The following OXR1 variants were observed in gnomAD, a reference collection of about 807,000 sequenced individuals.
The protein encoded by OXR1 is oxidation resistance 1.
In OXR1, 41 loss-of-function variants were observed where a neutral mutation model predicts 104.6. The ratio of observed to expected loss-of-function variants is 0.39; its 90% CI spans 0.31 to 0.51. The LOEUF (loss-of-function observed/expected upper bound fraction) is 0.51, where lower values mean the gene tolerates loss of function less well. Ranked by LOEUF, OXR1 falls within the 20% of genes least tolerant of loss-of-function variation. The pLI is 0.77. For missense variants in OXR1, 955 were observed against 1,031.9 expected (o/e 0.93, Z 1.02); for synonymous variants, 348 against 348.4 (o/e 1.00, Z 0.01).
chr8:106,530,015 C>A (rs550679874), intron 3 of OXR1, among the ~76,000 whole-genome samples: 4 of 152,108 alleles, frequency 2.6e-5, no homozygotes, highest in Non-Finnish European at 5.9e-5. Flanking sequence ...CCTGCTAACA[C>A]GTCTATGAAC....
chr8:106,692,731 C>A lies in OXR1; in HGVS notation c.529C>A (p.Pro177Thr), dbSNP rs1829436563. ...SEAEFDKTTN[P>T]DVHPTEATPS... ...TTCCTTTAAAAAAAAAAAAAAGAAT[C>A]CTGATGTCCATCCAACAGAAGCAAC... The change falls in exon 7 of 17, where the codon CCT becomes ACT. Residue 177 changes from proline (P) to threonine (T), a missense_variant. Pro to Thr is a conservative substitution (Grantham distance 38). Coordinates refer to ENST00000517566, the MANE Select transcript of OXR1 (RefSeq NM_001198533.2). 2 of 1,427,648 alleles carry A rather than the reference C, an allele frequency of 1.4e-6. No homozygotes were observed. The highest frequency in any genetic ancestry group is 2.5e-5 in the Admixed American group (1 of 39,312). 88.4% of individuals were successfully genotyped at this position (1,427,648 alleles called of 1,614,324 possible). A position where few individuals can be genotyped will look rare whatever the true frequency, so the allele number is the denominator to read the frequency against.
At chr8:106,679,809 T>A (rs1054040092) in intron 4 of OXR1, among the ~76,000 whole-genome samples, 2 of 151,858 alleles carry the variant, frequency 1.3e-5, no homozygotes, top group African/African-American at 2.4e-5. Context: ...CTTCCTGCAG[T>A]CAGCTGGCTT....
chr8:106,384,724 CTTTTTTCT>C (rs1178261218), intron 2 of OXR1, among the ~76,000 whole-genome samples: 4 of 136,780 alleles, frequency 2.9e-5, no homozygotes, highest in Admixed American at 8.0e-5. Flanking sequence ...TTCTTTTTTT[CTTTTTTCT>C]TTTTTTTTTT....
At chr8:106,593,533 C>G (rs921867960) in intron 3 of OXR1, among the ~76,000 whole-genome samples, 41 of 152,228 alleles carry the variant, frequency 2.7e-4, no homozygotes, top group African/African-American at 9.6e-4. Flanking sequence ...AATCCCAGCA[C>G]TTTGGGAGGC....
At chr8:106,403,594 T>C (rs1428480630) in intron 2 of OXR1, among the ~76,000 whole-genome samples, 1 of 152,192 alleles carries the variant, frequency 6.6e-6, no homozygotes, top group Admixed American at 6.5e-5. Context: ...ATAACAAGCC[T>C]ACCCTAACAT....
intron 2 of OXR1, among the ~76,000 whole-genome samples, chr8:106,413,064 C>T (rs7001714): frequency 2.6e-4 from 40 of 151,834 alleles, no homozygotes; most frequent in African/African-American, 9.4e-4. Context: ...GGCAAATAAC[C>T]AAGGAAAATT....
At chr8:106,599,278 C>A (rs1388686759) in intron 3 of OXR1, among the ~76,000 whole-genome samples, 1 of 152,080 alleles carries the variant, frequency 6.6e-6, no homozygotes, top group Non-Finnish European at 1.5e-5. Context: ...TGGCAGGACA[C>A]AAAGTTACTC....
intron 3 of OXR1, among the ~76,000 whole-genome samples, chr8:106,642,223 C>G (rs192212080): frequency 6.6e-6 from 1 of 152,170 alleles, no homozygotes; most frequent in Non-Finnish European, 1.5e-5. Context: ...ACCTCTTGGT[C>G]CAGAAAACCA....
intron 1 of OXR1, among the ~76,000 whole-genome samples, chr8:106,357,770 A>C (rs764836404): frequency 1.3e-5 from 2 of 152,172 alleles, no homozygotes; most frequent in Non-Finnish European, 2.9e-5. Context: ...TAAATATAAA[A>C]TGTAAAATTG....
At chr8:106,451,791 A>G (rs1387024051) in intron 2 of OXR1, among the ~76,000 whole-genome samples, 1 of 152,184 alleles carries the variant, frequency 6.6e-6, no homozygotes, top group Non-Finnish European at 1.5e-5. Context: ...TATTTTTTGC[A>G]TGTCCCTTGA....
At chr8:106,581,202 C>T in intron 3 of OXR1, 1 of 1,286,742 alleles carries the variant, frequency 7.8e-7, no homozygotes, top group Non-Finnish European at 1.0e-6. Context: ...ACCACTGCTG[C>T]AGAAAGCTGA....
chr8:106,395,820 T>C (rs1817754839), intron 2 of OXR1, among the ~76,000 whole-genome samples: 1 of 152,068 alleles, frequency 6.6e-6, no homozygotes, highest in Non-Finnish European at 1.5e-5. Flanking sequence ...GGACTCAGCA[T>C]TCTTTGGGAA....
intron 3 of OXR1, among the ~76,000 whole-genome samples, chr8:106,650,639 C>T (rs1824489894): frequency 6.6e-6 from 1 of 152,126 alleles, no homozygotes; most frequent in Admixed American, 6.5e-5. Flanking sequence ...ATTATACACA[C>T]AGTGAAAATT....
At chr8:106,325,417 C>T (rs1023810287) in intron 1 of OXR1, among the ~76,000 whole-genome samples, 29 of 152,258 alleles carry the variant, frequency 1.9e-4, no homozygotes, top group East Asian at 7.7e-4. Flanking sequence ...GGCCCAAGAG[C>T]GCAAATGAGA....
intron 2 of OXR1, among the ~76,000 whole-genome samples, chr8:106,477,586 G>C (rs1821876257): frequency 2.0e-5 from 3 of 151,834 alleles, no homozygotes; most frequent in Non-Finnish European, 2.9e-5. Context: ...AAATAGACTA[G>C]TATCTAAACA....
chr8:106,298,198 T>C (rs1813082762), intron 1 of OXR1, among the ~76,000 whole-genome samples: 1 of 152,138 alleles, frequency 6.6e-6, no homozygotes, highest in Non-Finnish European at 1.5e-5. Context: ...CTTATGCTGC[T>C]AACAAAGACA....
chr8:106,515,354 C>A (rs1258248301), intron 2 of OXR1, among the ~76,000 whole-genome samples: 9 of 152,098 alleles, frequency 5.9e-5, no homozygotes, highest in African/African-American at 2.2e-4. Context: ...TTTCGAAATA[C>A]ACTACATTGG....
intron 2 of OXR1, among the ~76,000 whole-genome samples, chr8:106,472,191 G>A (rs1821526223): frequency 6.6e-6 from 1 of 151,744 alleles, no homozygotes; most frequent in Admixed American, 6.6e-5. Flanking sequence ...ACGGGATTCA[G>A]GATATGTAGG....
chr8:106,739,659 G>A, intron 13 of OXR1, 76 bp downstream of exon 13: 1 of 1,424,648 alleles, frequency 7.0e-7, no homozygotes. Flanking sequence ...CTTTTTAGTT[G>A]TTTCTGAAGC....
Sources: allele counts gnomAD v4.1 joint callset (sites outside exome capture counted in the v4.1 genomes callset), GRCh38; gene constraint gnomAD v4.1.1; transcripts MANE v1.5; gene names NCBI Gene and HGNC (gene_info 2026-07-23, HGNC 2026-07-21).